The following NCKAP5 variants were observed in gnomAD, a reference collection of about 807,000 sequenced individuals.
The protein encoded by NCKAP5 is NCK associated protein 5.
NCKAP5 carries 92 observed loss-of-function variants against 167.0 expected under a neutral mutation model. The observed-to-expected ratio is 0.55, with a 90% confidence interval of 0.47 to 0.66. The LOEUF is 0.66. Among genes scored for constraint, NCKAP5 ranks in the 30% least tolerant of loss-of-function variants. The pLI, the probability that NCKAP5 is intolerant of heterozygous loss-of-function variation, is 0.00. For synonymous variants in NCKAP5, 891 were observed against 877.4 expected, an observed-to-expected ratio of 1.02 and a Z score of -0.27; for missense variants, 2,378 against 2,315.0, an observed-to-expected ratio of 1.03 and a Z score of -0.56.
chr2:133,665,748 C>T, the NCKAP5 span, among the ~76,000 whole-genome samples: 1 of 152,174 alleles, frequency 6.6e-6, no homozygotes, highest in African/African-American at 2.4e-5. Context: ...TAAAGCAAAG[C>T]ACAATAAAAC....
the NCKAP5 span, among the ~76,000 whole-genome samples, chr2:133,673,195 G>A: frequency 6.6e-6 from 1 of 152,106 alleles, no homozygotes; most frequent in Non-Finnish European, 1.5e-5. Flanking sequence ...GAGTCATTAA[G>A]TCACCTCCAC....
chr2:133,096,939 ACT>A (rs1300341441), intron 6 of NCKAP5, among the ~76,000 whole-genome samples: 3 of 152,034 alleles, frequency 2.0e-5, no homozygotes, highest in Non-Finnish European at 4.4e-5. Flanking sequence ...TTAAGCAGAG[ACT>A]CTCTATACAA....
chr2:133,561,206 A>C (rs1688131005), intron 1 of NCKAP5, among the ~76,000 whole-genome samples: 1 of 152,204 alleles, frequency 6.6e-6, no homozygotes, highest in Non-Finnish European at 1.5e-5. Context: ...AACTGTTGGC[A>C]ATTGGCCTGT....
intron 4 of NCKAP5, among the ~76,000 whole-genome samples, chr2:133,250,908 T>C (rs1038186464): frequency 1.3e-5 from 2 of 152,028 alleles, no homozygotes; most frequent in Non-Finnish European, 2.9e-5. Context: ...CCAGCCTGGG[T>C]GACAGGGTGA....
At chr2:133,260,822 T>C (rs760167504) in intron 4 of NCKAP5, among the ~76,000 whole-genome samples, 1 of 152,248 alleles carries the variant, frequency 6.6e-6, no homozygotes, top group African/African-American at 2.4e-5. Context: ...CTGTGTGTTA[T>C]ATATTGAATC....
Position 132,782,044 on chromosome 2 carries a change from T to C in NCKAP5, c.4767A>G (p.Arg1589=). 1 of 1,614,060 alleles carries C rather than the reference T, an allele frequency of 6.2e-7. No individual in the cohort carries two copies. The highest frequency in any genetic ancestry group is 8.5e-7 in the Non-Finnish European group (1 of 1,179,896). Residue 1589 remains arginine, a synonymous_variant, in exon 14 of 20, where the codon AGA becomes AGG. Transcript: ENST00000409261. The stretch of plus-strand genomic sequence containing the variant: ...GTTGGTTGTAAATGTCTTGTGGTGT[T>C]CTCCGATTATTTTTGCTTTGTAAAC... The part of the protein sequence containing the change: ...DGGLQSKNNR[R]TPQDIYNQLK...
At chr2:133,512,010 C>A (rs1481351994) in intron 3 of NCKAP5, among the ~76,000 whole-genome samples, 1 of 151,994 alleles carries the variant, frequency 6.6e-6, no homozygotes, top group Non-Finnish European at 1.5e-5. Flanking sequence ...GTGCAGTATC[C>A]CTATGGTAAG....
chr2:133,564,578 C>T (rs189969583), intron 1 of NCKAP5, among the ~76,000 whole-genome samples: 1 of 152,226 alleles, frequency 6.6e-6, no homozygotes, highest in Admixed American at 6.5e-5. Context: ...AGCATCCCAA[C>T]AGAGTTTAGA....
At chr2:133,260,304 G>GA (rs1312961495) in intron 4 of NCKAP5, among the ~76,000 whole-genome samples, 2 of 152,140 alleles carry the variant, frequency 1.3e-5, no homozygotes, top group South Asian at 2.1e-4. Context: ...ACAGATGAGT[G>GA]AAAAAAGGCA....
intron 11 of NCKAP5, among the ~76,000 whole-genome samples, chr2:132,829,548 C>T (rs1687372067): frequency 6.6e-6 from 1 of 152,176 alleles, no homozygotes; most frequent in African/African-American, 2.4e-5. Context: ...GCATGCCTGA[C>T]AAGAGGCCTT....
intron 19 of NCKAP5, among the ~76,000 whole-genome samples, chr2:132,699,559 T>C (rs1276038583): frequency 6.6e-6 from 1 of 151,414 alleles, no homozygotes; most frequent in African/African-American, 2.4e-5. Flanking sequence ...AATTCCCACC[T>C]ATGAGTGAGA....
At chr2:132,956,561 T>A (rs1218134813) in intron 8 of NCKAP5, among the ~76,000 whole-genome samples, 1 of 152,192 alleles carries the variant, frequency 6.6e-6, no homozygotes, top group African/African-American at 2.4e-5. Flanking sequence ...CCCTCTCCAC[T>A]AGAACACGGC....
chr2:133,249,275 C>G (rs935334841), intron 4 of NCKAP5, among the ~76,000 whole-genome samples: 1 of 152,138 alleles, frequency 6.6e-6, no homozygotes, highest in African/African-American at 2.4e-5. Flanking sequence ...GTGAAAGGAA[C>G]TCGAAAGAGT....
chr2:133,378,082 C>T (rs999739011), intron 3 of NCKAP5, among the ~76,000 whole-genome samples: 6 of 152,142 alleles, frequency 3.9e-5, no homozygotes, highest in Non-Finnish European at 8.8e-5. Flanking sequence ...TAGCTATATG[C>T]TGATGTCTGT....
chr2:133,510,111 G>A (rs1683356431), intron 3 of NCKAP5, among the ~76,000 whole-genome samples: 1 of 152,146 alleles, frequency 6.6e-6, no homozygotes, highest in African/African-American at 2.4e-5. Context: ...ATTTCTTCCA[G>A]AATCTCCTCA....
chr2:133,196,812 C>A (rs2150103936), intron 5 of NCKAP5, among the ~76,000 whole-genome samples: 2 of 152,214 alleles, frequency 1.3e-5, no homozygotes, highest in South Asian at 4.2e-4. Flanking sequence ...CAGGGACTTA[C>A]AATGTTTAGT....
chr2:132,790,005 G>T lies in NCKAP5; in HGVS notation c.1092+18C>A. On this transcript the variant is annotated intron_variant, in intron 13 of 19. Coordinates refer to ENST00000409261, the MANE Select transcript of NCKAP5 (RefSeq NM_207363.3). ...AGAGGATTCTTTTCTGGTTCATTCC[G>T]ATGCCACAGTGCCTTACCCTTTTCC... is the stretch of plus-strand genomic sequence containing the variant. The T allele has an allele frequency of 1.3e-6, 2 of 1,592,416 alleles. No homozygotes were observed. The highest frequency in any genetic ancestry group is 1.1e-5 in the South Asian group (1 of 89,018).
At chr2:132,843,320 T>A (rs1688429254) in intron 11 of NCKAP5, among the ~76,000 whole-genome samples, 1 of 152,144 alleles carries the variant, frequency 6.6e-6, no homozygotes, top group Non-Finnish European at 1.5e-5. Context: ...AATAGTATTG[T>A]TTTATTAAGT....
intron 6 of NCKAP5, among the ~76,000 whole-genome samples, chr2:133,087,826 CTTCACTGCTT>C (rs1275368896): frequency 6.6e-6 from 1 of 152,218 alleles, no homozygotes; most frequent in Non-Finnish European, 1.5e-5. Context: ...CAAGTCATTC[CTTCACTGCTT>C]TTCACAACAA....
Sources: allele counts gnomAD v4.1 joint callset (sites outside exome capture counted in the v4.1 genomes callset), GRCh38; gene constraint gnomAD v4.1.1; transcripts MANE v1.5; gene names NCBI Gene and HGNC (gene_info 2026-07-23, HGNC 2026-07-21).